Variants in OXR1 observed in about 807,000 individuals in gnomAD.
OXR1 encodes oxidation resistance protein 1.
OXR1 carries 41 observed loss-of-function variants against 104.6 expected under a neutral mutation model. That is an observed-to-expected ratio of 0.39 (90% CI 0.31 to 0.51). The LOEUF (loss-of-function observed/expected upper bound fraction) is 0.51. OXR1 is among the 20% of genes least tolerant of loss of function. The pLI is 0.77. For missense variants in OXR1, 955 were observed against 1,031.9 expected, an observed-to-expected ratio of 0.93 and a Z score of 1.02; for synonymous variants, 348 against 348.4, an observed-to-expected ratio of 1.00 and a Z score of 0.01.
At chr8:106,638,406 A>C (rs1304928255) in intron 3 of OXR1, among the ~76,000 whole-genome samples, 1 of 152,162 alleles carries the variant, frequency 6.6e-6, no homozygotes, top group East Asian at 1.9e-4. Context: ...TATATTGACT[A>C]TCTGCTGTTC....
At chr8:106,675,602 A>T (rs988775003) in intron 3 of OXR1, among the ~76,000 whole-genome samples, 1 of 152,136 alleles carries the variant, frequency 6.6e-6, no homozygotes, top group Non-Finnish European at 1.5e-5. Context: ...ATGTAATTGT[A>T]TAGTTTTGAG....
Position 106,692,748 on chromosome 8 carries a change from A to G in OXR1, c.546A>G (p.Thr182=). 6.6e-7 allele frequency: 1 copy of G among 1,522,418 alleles called. No individual in the cohort carries two copies. Among genetic ancestry groups the G allele is most frequent in the Non-Finnish European group, 8.8e-7 (1 of 1,134,592 alleles). The allele number at this position is 1,522,418 out of a possible 1,614,324, so 94.3% of individuals were successfully genotyped here. The change falls in exon 7 of 17, where the codon ACA becomes ACG. Residue 182 remains threonine (T), a synonymous_variant. Transcript: ENST00000517566. ...AAAAGAATCCTGATGTCCATCCAAC[A>G]GAAGCAACTCCCTCATCTACTTTCA... ...DKTTNPDVHP[T]EATPSSTFTG...
At chr8:106,720,282 AATCAGAATAAT>A (rs1197528613) in intron 11 of OXR1, among the ~76,000 whole-genome samples, 1 of 152,176 alleles carries the variant, frequency 6.6e-6, no homozygotes, top group Non-Finnish European at 1.5e-5. Flanking sequence ...AGACCAATTA[AATCAGAATAAT>A]TGGGGCTAGG....
intron 1 of OXR1, among the ~76,000 whole-genome samples, chr8:106,275,113 C>T (rs573818537): frequency 6.6e-6 from 1 of 152,028 alleles, no homozygotes. Context: ...AGATATTTCC[C>T]GATTGTTGAA....
At chr8:106,648,887 G>A (rs970547418) in intron 3 of OXR1, among the ~76,000 whole-genome samples, 1 of 152,174 alleles carries the variant, frequency 6.6e-6, no homozygotes, top group African/African-American at 2.4e-5. Flanking sequence ...CTAAGACAAA[G>A]TGAAGTAAAA....
At chr8:106,425,988 G>A (rs983775822) in intron 2 of OXR1, among the ~76,000 whole-genome samples, 3 of 152,112 alleles carry the variant, frequency 2.0e-5, no homozygotes, top group Admixed American at 1.3e-4. Flanking sequence ...GAAGGGGAGA[G>A]CCATAGGAGC....
chr8:106,278,742 CT>C (rs948009113), intron 1 of OXR1, among the ~76,000 whole-genome samples: 2 of 152,110 alleles, frequency 1.3e-5, no homozygotes, highest in African/African-American at 4.8e-5. Flanking sequence ...TGATAAATGG[CT>C]TTGAGTGAAA....
At chr8:106,522,552 T>G (rs1466913798) in intron 3 of OXR1, among the ~76,000 whole-genome samples, 3 of 152,106 alleles carry the variant, frequency 2.0e-5, no homozygotes, top group Non-Finnish European at 4.4e-5. Flanking sequence ...TTAGAATAAG[T>G]AGGGGAAAGC....
chr8:106,558,625 A>G (rs1172991801), intron 3 of OXR1, among the ~76,000 whole-genome samples: 1 of 152,214 alleles, frequency 6.6e-6, no homozygotes, highest in Non-Finnish European at 1.5e-5. Flanking sequence ...TTATTAATAT[A>G]CCCATAAAAT....
chr8:106,746,699 G>A (rs1373388706), intron 16 of OXR1, among the ~76,000 whole-genome samples: 1 of 152,072 alleles, frequency 6.6e-6, no homozygotes, highest in African/African-American at 2.4e-5. Flanking sequence ...ATATAAGTAG[G>A]GTGATTAAAA....
intron 3 of OXR1, among the ~76,000 whole-genome samples, chr8:106,652,373 C>T (rs1824659053): frequency 6.6e-6 from 1 of 151,776 alleles, no homozygotes; most frequent in South Asian, 2.1e-4. Context: ...TAAACTAGGC[C>T]ATAAAAAAAC....
At position 106,692,827 on chromosome 8, in the gene OXR1, T is replaced by A. The variant is rs776915664; in HGVS notation, c.625T>A (p.Phe209Ile). Residue 209 changes from phenylalanine to isoleucine, a missense_variant, in exon 7 of 17, where the codon TTT becomes ATT. Coordinates refer to ENST00000517566, the MANE Select transcript of OXR1 (RefSeq NM_001198533.2). ...VSSTSEEEEAFTEKFLKINCK... is the reference protein window; with the variant it reads ...VSSTSEEEEAITEKFLKINCK... ...TTCAACTTCTGAGGAGGAGGAAGCATTTACTGAGAAATTTCTTAAAATTAA... is the reference window on the plus strand; with the variant it reads ...TTCAACTTCTGAGGAGGAGGAAGCAATTACTGAGAAATTTCTTAAAATTAA... 3.1e-6 allele frequency: 5 copies of A among 1,606,792 alleles called. No homozygotes were observed. The Admixed American group carries it at 6.7e-5, about 22-fold the overall frequency.
At chr8:106,649,213 A>AAAC (rs920232794) in intron 3 of OXR1, among the ~76,000 whole-genome samples, 3 of 152,164 alleles carry the variant, frequency 2.0e-5, no homozygotes, top group Admixed American at 2.0e-4. Flanking sequence ...TCAAACAAGA[A>AAAC]AACAACAACA....
intron 2 of OXR1, among the ~76,000 whole-genome samples, chr8:106,393,213 G>A (rs1423711138): frequency 2.0e-5 from 3 of 152,092 alleles, no homozygotes; most frequent in Non-Finnish European, 4.4e-5. Context: ...AGCAGTATGG[G>A]CGAATATTAG....
chr8:106,551,433 T>G (rs1815796485), intron 3 of OXR1, among the ~76,000 whole-genome samples: 1 of 152,084 alleles, frequency 6.6e-6, no homozygotes. Flanking sequence ...AATTAGCTAT[T>G]TACTTTAGTA....
chr8:106,359,803 G>A (rs1816161050), intron 2 of OXR1, among the ~76,000 whole-genome samples, 167 bp downstream of exon 2: 1 of 152,130 alleles, frequency 6.6e-6, no homozygotes, highest in Non-Finnish European at 1.5e-5. Context: ...AGGATTAGAA[G>A]TCTGACACTT....
chr8:106,477,783 G>A (rs2129712562), intron 2 of OXR1, among the ~76,000 whole-genome samples: 1 of 151,940 alleles, frequency 6.6e-6, no homozygotes, highest in African/African-American at 2.4e-5. Flanking sequence ...CATCTGTAGT[G>A]TCTGGCTTTA....
At chr8:106,595,550 C>CAAA (rs67790797) in intron 3 of OXR1, among the ~76,000 whole-genome samples, 18 of 60,692 alleles carry the variant, frequency 3.0e-4, no homozygotes, top group African/African-American at 8.0e-4. Context: ...AACTCCGTCT[C>CAAA]AAAAAAAAAA....
chr8:106,531,058 GT>G (rs1470395337), intron 3 of OXR1, among the ~76,000 whole-genome samples: 2 of 152,112 alleles, frequency 1.3e-5, no homozygotes, highest in Non-Finnish European at 2.9e-5. Context: ...ACATGAAAAA[GT>G]TTAGTTAATT....
Sources: gnomAD v4.1 joint callset for allele counts (sites outside exome capture counted in the v4.1 genomes callset) on GRCh38, gnomAD v4.1.1 for gene constraint, MANE v1.5 for transcripts, NCBI Gene and HGNC (gene_info 2026-07-23, HGNC 2026-07-21) for gene names.